FOXN3: variants seen among roughly 807,000 people sequenced by gnomAD.
FOXN3 encodes the protein forkhead box protein N3.
In FOXN3, 7 loss-of-function variants were observed where a neutral mutation model predicts 38.4. The observed-to-expected ratio is 0.18, with a 90% CI of 0.10 to 0.34. The LOEUF is 0.34. FOXN3 is among the 10% of genes least tolerant of loss of function. FOXN3 has a pLI of 1.00. For synonymous variants in FOXN3, 230 were observed against 242.2 expected (o/e 0.95, Z 0.47); for missense variants, 456 against 613.4 (o/e 0.74, Z 2.71).
chr14:89,200,831 T>C (rs553778455), intron 4 of FOXN3, among the ~76,000 whole-genome samples: 4 of 152,306 alleles, frequency 2.6e-5, no homozygotes, highest in South Asian at 2.1e-4. Flanking sequence ...CTGATCAACA[T>C]TGACTTCTTT....
intron 5 of FOXN3, among the ~76,000 whole-genome samples, chr14:89,167,984 A>C (rs1433150954): frequency 6.6e-6 from 1 of 152,202 alleles, no homozygotes; most frequent in African/African-American, 2.4e-5. Context: ...CTGGTCCCCC[A>C]GGCTCCCCAC....
At chr14:89,226,874 C>T (rs1884656698) in intron 4 of FOXN3, among the ~76,000 whole-genome samples, 1 of 152,190 alleles carries the variant, frequency 6.6e-6, no homozygotes, top group Admixed American at 6.5e-5. Context: ...ACTACCAAAA[C>T]CTCAGAGAGA....
At chr14:89,424,713 C>CAA (rs60485648) in intron 1 of FOXN3, among the ~76,000 whole-genome samples, 40 of 91,760 alleles carry the variant, frequency 4.4e-4, no homozygotes, top group African/African-American at 9.5e-4. Flanking sequence ...TATGACTCTA[C>CAA]AAAAAAAAAA....
intron 1 of FOXN3, among the ~76,000 whole-genome samples, chr14:89,537,439 T>G (rs1422363405): frequency 7.3e-6 from 1 of 136,972 alleles, no homozygotes; most frequent in Non-Finnish European, 1.6e-5. Context: ...TTCCATGAAA[T>G]GTTGGATGGA....
At chr14:89,359,410 G>C (rs1232418404) in intron 2 of FOXN3, among the ~76,000 whole-genome samples, 7 of 152,114 alleles carry the variant, frequency 4.6e-5, no homozygotes, top group Admixed American at 4.6e-4. Flanking sequence ...CTGCCTGATG[G>C]AATAGGTACT....
chr14:89,232,413 T>C (rs1884840714), intron 4 of FOXN3, among the ~76,000 whole-genome samples: 1 of 152,198 alleles, frequency 6.6e-6, no homozygotes, highest in African/African-American at 2.4e-5. Context: ...CTATGAACTG[T>C]TGCAATCTTC....
intron 1 of FOXN3, among the ~76,000 whole-genome samples, chr14:89,443,941 G>A (rs1024646113): frequency 6.7e-6 from 1 of 150,144 alleles, no homozygotes; most frequent in Admixed American, 6.7e-5. Context: ...CCCAGGAGGT[G>A]GAGGTTGCAG....
intron 4 of FOXN3, among the ~76,000 whole-genome samples, chr14:89,245,918 C>T (rs75919171): frequency 0.04 from 6,028 of 152,214 alleles, 362 homozygotes; most frequent in African/African-American, 0.14. Flanking sequence ...GCTGGAAAGC[C>T]ACTTGCTAAT....
intron 1 of FOXN3, among the ~76,000 whole-genome samples, chr14:89,485,623 C>A (rs1893430024): frequency 6.6e-6 from 1 of 152,110 alleles, no homozygotes; most frequent in Non-Finnish European, 1.5e-5. Context: ...AAGCAGTGGC[C>A]AAGCCAGGGT....
intron 1 of FOXN3, among the ~76,000 whole-genome samples, chr14:89,571,518 A>G (rs1377486706): frequency 2.6e-5 from 4 of 152,074 alleles, no homozygotes; most frequent in Non-Finnish European, 4.4e-5. Flanking sequence ...CACAAAAAAA[A>G]AAAAAGAAAA....
chr14:89,586,187 C>G (rs1596325448), intron 1 of FOXN3, among the ~76,000 whole-genome samples: 1 of 152,038 alleles, frequency 6.6e-6, no homozygotes, highest in South Asian at 2.1e-4. Context: ...AAAGTATTTG[C>G]TGAATGAATG....
intron 1 of FOXN3, among the ~76,000 whole-genome samples, chr14:89,493,460 T>C (rs546078687): frequency 1.9e-4 from 29 of 152,318 alleles, no homozygotes; most frequent in Middle Eastern, 3.4e-3. Context: ...TTACAAAGTC[T>C]ATCATCTTTA....
chr14:89,330,520 T>C (rs139547683), intron 3 of FOXN3, among the ~76,000 whole-genome samples: 1,809 of 152,206 alleles, frequency 0.012, 16 homozygotes, highest in Non-Finnish European at 0.019. Context: ...GTCGCTTGAA[T>C]TGCCATTTGC....
chr14:89,229,734 T>C (rs1296727545), intron 4 of FOXN3, among the ~76,000 whole-genome samples: 2 of 152,168 alleles, frequency 1.3e-5, no homozygotes, highest in African/African-American at 4.8e-5. Context: ...TAAGATGCAG[T>C]AGGTTGTCCC....
intron 1 of FOXN3, among the ~76,000 whole-genome samples, chr14:89,413,131 G>C (rs924517715): frequency 6.6e-6 from 1 of 152,082 alleles, no homozygotes; most frequent in Non-Finnish European, 1.5e-5. Context: ...AGAAAACGAG[G>C]AGGTGGTACG....
chr14:89,600,058 T>C (rs1334253277), intron 1 of FOXN3, among the ~76,000 whole-genome samples: 1 of 152,242 alleles, frequency 6.6e-6, no homozygotes, highest in East Asian at 1.9e-4. Flanking sequence ...CCCATTGCCC[T>C]GATGGCTCTC....
chr14:89,350,861 T>C, intron 2 of FOXN3, 53 bp from the exon 3 acceptor site: 1 of 1,339,404 alleles, frequency 7.5e-7, no homozygotes, highest in South Asian at 1.7e-5. Flanking sequence ...TTAAGTACTT[T>C]GCAATAAGTA....
intron 4 of FOXN3, among the ~76,000 whole-genome samples, chr14:89,225,217 A>T (rs1169604484): frequency 1.3e-5 from 2 of 151,830 alleles, no homozygotes; most frequent in African/African-American, 4.8e-5. Flanking sequence ...AGGTAGGAGG[A>T]TCACTTGGAC....
intron 1 of FOXN3, among the ~76,000 whole-genome samples, chr14:89,427,472 ATTT>A (rs1195606471): frequency 8.0e-6 from 1 of 124,856 alleles, no homozygotes; most frequent in African/African-American, 3.0e-5. Flanking sequence ...CGCCCGGCTG[ATTT>A]TTTTTTTTTT....
Sources: allele counts gnomAD v4.1 joint callset (sites outside exome capture counted in the v4.1 genomes callset), GRCh38; gene constraint gnomAD v4.1.1; transcripts MANE v1.5; gene names NCBI Gene and HGNC (gene_info 2026-07-23, HGNC 2026-07-21).